MARCHF1: variants seen among roughly 807,000 people sequenced by gnomAD.
The protein encoded by MARCHF1 is membrane associated ring-CH-type finger 1.
A neutral mutation model predicts 54.2 loss-of-function variants in MARCHF1; 40 were observed. The observed-to-expected ratio is 0.74, with a 90% CI of 0.57 to 0.96. MARCHF1 has a LOEUF of 0.96. MARCHF1 is among the 40% of genes least tolerant of loss of function. MARCHF1 has a pLI of 0.00. For missense variants in MARCHF1, 586 were observed against 656.5 expected (o/e 0.89, Z 1.17); for synonymous variants, 236 against 236.3 (o/e 1.00, Z 0.01).
At chr4:164,056,403 T>C (rs904756102) in intron 2 of MARCHF1, among the ~76,000 whole-genome samples, 3 of 152,220 alleles carry the variant, frequency 2.0e-5, no homozygotes, top group Non-Finnish European at 4.4e-5. Flanking sequence ...AGAAATCTCC[T>C]GAGCATTTGA....
At chr4:164,345,709 T>C (rs11936419) in intron 1 of MARCHF1, among the ~76,000 whole-genome samples, 2,881 of 152,064 alleles carry the variant, frequency 0.019, 93 homozygotes, top group African/African-American at 0.065. Context: ...TGTGAACTCT[T>C]GTCAATGTTA....
At position 163,572,438 on chromosome 4, in the gene MARCHF1, A is replaced by C. The variant is rs140098209; in HGVS notation, c.1191+13311T>G. On this transcript the variant is annotated intron_variant, in intron 8 of 9. Coordinates refer to ENST00000514618, the MANE Select transcript of MARCHF1 (RefSeq NM_001394959.1). ...GTCTCCTTGTTTTACAGATGAAGAA[A>C]CTGAGACAAGACTCAAAGTGGTTAA... Among the ~76,000 whole-genome samples, 356 of 152,136 alleles carry C rather than the reference A, an allele frequency of 2.3e-3. No individual in the cohort carries two copies. In the Middle Eastern group the frequency reaches 0.024, roughly 10 times the overall value.
intron 3 of MARCHF1, among the ~76,000 whole-genome samples, chr4:163,861,971 C>T (rs1749946547): frequency 6.6e-6 from 1 of 151,976 alleles, no homozygotes; most frequent in Non-Finnish European, 1.5e-5. Flanking sequence ...AAGAGAAAGA[C>T]TAATCTTTTC....
At chr4:164,060,516 G>A (rs1169588099) in intron 2 of MARCHF1, among the ~76,000 whole-genome samples, 1 of 152,106 alleles carries the variant, frequency 6.6e-6, no homozygotes, top group Non-Finnish European at 1.5e-5. Flanking sequence ...AGTGAAACGT[G>A]ATGAAGTGTA....
chr4:164,061,829 G>A (rs1470833169), intron 2 of MARCHF1, among the ~76,000 whole-genome samples: 2 of 152,072 alleles, frequency 1.3e-5, no homozygotes, highest in African/African-American at 4.8e-5. Flanking sequence ...CAATCTTTTT[G>A]CTGGTGGACA....
At chr4:164,101,821 C>T (rs560562848) in intron 2 of MARCHF1, among the ~76,000 whole-genome samples, 77 of 150,374 alleles carry the variant, frequency 5.1e-4, no homozygotes, top group East Asian at 1.8e-3. Context: ...CTCTGAGCTA[C>T]GGGAGGACAT....
chr4:164,177,803 A>AGG (rs1473893639), intron 1 of MARCHF1, among the ~76,000 whole-genome samples: 2 of 48,200 alleles, frequency 4.1e-5, no homozygotes, highest in Admixed American at 1.9e-4. Flanking sequence ...TGTGTATGAA[A>AGG]GAGACACACA....
intron 3 of MARCHF1, among the ~76,000 whole-genome samples, chr4:163,924,190 T>C (rs10857364): frequency 0.77 from 117,685 of 151,896 alleles, 45,700 homozygotes; most frequent in East Asian, 0.93. Context: ...TACTTAATGC[T>C]GCAAAAGCAC....
chr4:164,096,801 T>C (rs985692044), intron 2 of MARCHF1, among the ~76,000 whole-genome samples: 10 of 152,128 alleles, frequency 6.6e-5, no homozygotes, highest in South Asian at 2.1e-4. Context: ...TCTCACTGCA[T>C]GCAAAAAAGA....
At chr4:164,158,561 A>G (rs1730144896) in intron 1 of MARCHF1, among the ~76,000 whole-genome samples, 1 of 152,176 alleles carries the variant, frequency 6.6e-6, no homozygotes, top group Non-Finnish European at 1.5e-5. Flanking sequence ...AAATCACTTG[A>G]ACCAGGGAGG....
intron 2 of MARCHF1, among the ~76,000 whole-genome samples, chr4:164,071,000 C>T (rs748647257): frequency 1.3e-5 from 2 of 152,160 alleles, no homozygotes; most frequent in African/African-American, 4.8e-5. Context: ...TTGCCGCTGC[C>T]ATGTAAAAAG....
chr4:164,034,245 A>C (rs1394064714), intron 2 of MARCHF1, among the ~76,000 whole-genome samples: 1 of 152,076 alleles, frequency 6.6e-6, no homozygotes, highest in Non-Finnish European at 1.5e-5. Flanking sequence ...AAAACCAAAC[A>C]CCACATGTTC....
chr4:163,635,251 G>A (rs1210855456), intron 5 of MARCHF1, among the ~76,000 whole-genome samples: 14 of 113,880 alleles, frequency 1.2e-4, no homozygotes, highest in East Asian at 3.0e-4. Context: ...TAAAATCAGA[G>A]CAGAACTGAA....
chr4:163,721,503 G>C (rs1225367259), intron 4 of MARCHF1, among the ~76,000 whole-genome samples: 1 of 152,028 alleles, frequency 6.6e-6, no homozygotes, highest in Non-Finnish European at 1.5e-5. Flanking sequence ...TTTTTGTTGT[G>C]TCTCTGCCAG....
chr4:164,005,114 A>G (rs1049490019), intron 2 of MARCHF1, among the ~76,000 whole-genome samples: 2 of 152,058 alleles, frequency 1.3e-5, no homozygotes, highest in African/African-American at 4.8e-5. Flanking sequence ...AATAACAAAG[A>G]TAAGAGGAAA....
At chr4:164,285,543 C>T (rs1208444292) in intron 1 of MARCHF1, among the ~76,000 whole-genome samples, 1 of 151,928 alleles carries the variant, frequency 6.6e-6, no homozygotes, top group Admixed American at 6.5e-5. Flanking sequence ...CCCGAGTTCA[C>T]GCCATTTTCC....
intron 4 of MARCHF1, among the ~76,000 whole-genome samples, chr4:163,781,433 A>C (rs920015438): frequency 6.6e-6 from 1 of 152,176 alleles, no homozygotes; most frequent in East Asian, 1.9e-4. Flanking sequence ...CCTGAGCCCA[A>C]TTGGTGGCGG....
At chr4:163,862,556 A>C (rs1247796922) in intron 3 of MARCHF1, among the ~76,000 whole-genome samples, 3 of 152,072 alleles carry the variant, frequency 2.0e-5, no homozygotes, top group African/African-American at 7.2e-5. Flanking sequence ...GATAATACCA[A>C]ATACTGACAA....
intron 2 of MARCHF1, among the ~76,000 whole-genome samples, chr4:164,064,680 C>T (rs1176416015): frequency 6.6e-6 from 1 of 152,110 alleles, no homozygotes; most frequent in Non-Finnish European, 1.5e-5. Flanking sequence ...ACTTCCAATA[C>T]TTTGTTGAAT....
Sources: allele counts gnomAD v4.1 joint callset (sites outside exome capture counted in the v4.1 genomes callset), GRCh38; gene constraint gnomAD v4.1.1; transcripts MANE v1.5; gene names NCBI Gene and HGNC (gene_info 2026-07-23, HGNC 2026-07-21).